Variants in CPLANE1 observed in about 807,000 individuals in gnomAD.
CPLANE1 encodes the protein ciliogenesis and planar polarity effector 1.
CPLANE1 carries 263 observed loss-of-function variants against 362.5 expected under a neutral mutation model. The ratio of observed to expected loss-of-function variants is 0.73; its 90% CI spans 0.66 to 0.80. CPLANE1 has a LOEUF of 0.80. Ranked by LOEUF, CPLANE1 falls within the 30% of genes least tolerant of loss-of-function variation. The pLI is 0.00. For synonymous variants in CPLANE1, 1,212 were observed against 1,302.6 expected, an observed-to-expected ratio of 0.93 and a Z score of 1.50; for missense variants, 3,461 against 3,793.4, an observed-to-expected ratio of 0.91 and a Z score of 2.30.
chr5:37,108,051 T>C (rs1005880192), intron 52 of CPLANE1, among the ~76,000 whole-genome samples: 1 of 152,202 alleles, frequency 6.6e-6, no homozygotes, highest in Admixed American at 6.5e-5. Flanking sequence ...CGATTTTATG[T>C]TCTTACATTT....
rs144945802 is a variant in CPLANE1 at position 37,138,131 on chromosome 5, T to C, written c.8792+589A>G. ...TTTGATGATATGTCCAACTTTGTCA[T>C]TGGGGTGTTGAAGTCCCCCACTATT... On this transcript the variant is annotated intron_variant, in intron 46 of 52. Transcript: ENST00000651892. Among the ~76,000 whole-genome samples the C allele has an allele frequency of 4.8e-3, 727 of 152,296 alleles. 10 individuals are homozygous for C. Among genetic ancestry groups the C allele is most frequent in the African/African-American group, 0.017 (690 of 41,564 alleles).
At chr5:37,124,228 G>A (rs1763518658) in intron 47 of CPLANE1, among the ~76,000 whole-genome samples, 1 of 151,734 alleles carries the variant, frequency 6.6e-6, no homozygotes, top group South Asian at 2.1e-4. Flanking sequence ...AAAAATGAAG[G>A]GATATTGTAT....
At chr5:37,213,772 C>A in intron 15 of CPLANE1, 40 bp from the exon 16 acceptor site, 1 of 1,348,330 alleles carries the variant, frequency 7.4e-7, no homozygotes, top group Non-Finnish European at 9.7e-7. Flanking sequence ...TTGTGATCAA[C>A]TACCAAAAGT....
chr5:37,109,726 G>T (rs946611229), intron 51 of CPLANE1, among the ~76,000 whole-genome samples: 7 of 152,080 alleles, frequency 4.6e-5, no homozygotes, highest in African/African-American at 1.7e-4. Context: ...GTGCAATTTC[G>T]GTTCGCTGCA....
chr5:37,146,420 A>T (rs1393942471), intron 43 of CPLANE1, among the ~76,000 whole-genome samples: 1 of 152,000 alleles, frequency 6.6e-6, no homozygotes, highest in African/African-American at 2.4e-5. Context: ...CTTGTGATCC[A>T]CCTGCCTCAG....
chr5:37,116,979 G>A (rs1317908892), intron 50 of CPLANE1, among the ~76,000 whole-genome samples: 2 of 152,168 alleles, frequency 1.3e-5, no homozygotes, highest in Admixed American at 6.5e-5. Flanking sequence ...GAGGCCACAA[G>A]AACAAGGGGA....
At chr5:37,145,258 T>TG (rs2150465179) in intron 43 of CPLANE1, among the ~76,000 whole-genome samples, 1 of 152,094 alleles carries the variant, frequency 6.6e-6, no homozygotes, top group East Asian at 1.9e-4. Flanking sequence ...TGAGCTGAGA[T>TG]CACACCACTG....
At chr5:37,102,893 T>C (rs1435373349), downstream of CPLANE1, among the ~76,000 whole-genome samples, 1 of 152,222 alleles carries the variant, frequency 6.6e-6, no homozygotes, top group Non-Finnish European at 1.5e-5. Flanking sequence ...GAGAGTTCTG[T>C]AGATATCTAT....
intron 21 of CPLANE1, among the ~76,000 whole-genome samples, chr5:37,191,918 T>A (rs1785654257): frequency 6.6e-6 from 1 of 152,198 alleles, no homozygotes; most frequent in African/African-American, 2.4e-5. Context: ...AAAATATTTT[T>A]AATAAATTTA....
chr5:37,175,049 G>T (rs1184494722), intron 31 of CPLANE1, among the ~76,000 whole-genome samples: 1 of 152,164 alleles, frequency 6.6e-6, no homozygotes, highest in East Asian at 1.9e-4. Context: ...ACCCTCTGGC[G>T]ACTGGGTTCC....
chr5:37,204,897 C>T (rs1380148005), intron 18 of CPLANE1, among the ~76,000 whole-genome samples: 1 of 152,208 alleles, frequency 6.6e-6, no homozygotes, highest in Admixed American at 6.5e-5. Context: ...TGGCTCATGC[C>T]TGTAATCCCA....
chr5:37,153,391 T>C (rs990643148), intron 42 of CPLANE1, among the ~76,000 whole-genome samples: 6 of 152,194 alleles, frequency 3.9e-5, no homozygotes, highest in African/African-American at 1.4e-4. Context: ...TACATGGGTT[T>C]ACTTCTTAAA....
In CPLANE1 at chr5:37,120,283, C is replaced by CAT; in HGVS notation, c.9241_9242dup (p.Met3081IlefsTer42). 6.3e-7 allele frequency: 1 copy of CAT among 1,599,994 alleles called. No homozygotes were observed. The highest frequency in any genetic ancestry group is 8.5e-7 in the Non-Finnish European group (1 of 1,175,036). On this transcript the variant is annotated frameshift_variant, in exon 50 of 53. Coordinates refer to ENST00000651892, the MANE Select transcript of CPLANE1 (RefSeq NM_001384732.1). LOFTEE classifies it high-confidence loss of function. ...TCTTATGGATATAACTCGGTTTGGA[C>CAT]ATATATTTGACTTTTCCAGGTCGAT...
the CPLANE1 span, among the ~76,000 whole-genome samples, chr5:37,080,604 T>A: frequency 6.6e-6 from 1 of 152,220 alleles, no homozygotes; most frequent in Non-Finnish European, 1.5e-5. Flanking sequence ...AGGGCTTATG[T>A]ACAGTGCAAC....
intron 42 of CPLANE1, 102 bp from the exon 43 acceptor site, chr5:37,148,370 G>T: frequency 1.3e-6 from 1 of 769,432 alleles, no homozygotes; most frequent in Non-Finnish European, 2.0e-6. Context: ...TAATGCAAAA[G>T]TGAAAAAAAT....
chr5:37,179,613 G>A (rs1782130436), intron 28 of CPLANE1, among the ~76,000 whole-genome samples, 170 bp from the exon 29 acceptor site: 1 of 152,152 alleles, frequency 6.6e-6, no homozygotes, highest in Admixed American at 6.5e-5. Flanking sequence ...ATCTTCATCA[G>A]GTAAATCCCA....
chr5:37,245,378 T>G (rs571739850), intron 4 of CPLANE1, 101 bp downstream of exon 4: 9 of 618,084 alleles, frequency 1.5e-5, no homozygotes, highest in East Asian at 6.6e-5. Flanking sequence ...CATATGCACA[T>G]ACACAGAAAT....
chr5:37,224,653 C>A lies in CPLANE1; in HGVS notation c.2379G>T (p.Gln793His). 1 of 1,551,416 alleles carries A rather than the reference C, an allele frequency of 6.4e-7. No individual in the cohort carries two copies. The highest frequency in any genetic ancestry group is 8.7e-7 in the Non-Finnish European group (1 of 1,146,734). Residue 793 changes from glutamine (Q) to histidine (H), a missense_variant, in exon 13 of 53, where the codon CAG becomes CAT. This residue lies in a region of CPLANE1 where 3,380 missense variants were observed against 3,666.1 expected (regional missense o/e 0.92). Coordinates refer to ENST00000651892, the MANE Select transcript of CPLANE1 (RefSeq NM_001384732.1). ...CTTCATGTGTCATCTTTTCAGTTAA[C>A]TGACTATCAGCTTCAGGAACTCTTC... is the stretch of plus-strand genomic sequence containing the variant. ...LNRRVPEADSQLTEKMTHEAS... is the reference protein window; with the variant it reads ...LNRRVPEADSHLTEKMTHEAS...
At chr5:37,238,529 C>T (rs1263204876) in intron 8 of CPLANE1, among the ~76,000 whole-genome samples, 1 of 120,848 alleles carries the variant, frequency 8.3e-6, no homozygotes, top group Non-Finnish European at 1.6e-5. Flanking sequence ...GGGTCTTGCT[C>T]TGTTGCTCAG....
Sources: gnomAD v4.1 joint callset for allele counts (sites outside exome capture counted in the v4.1 genomes callset) on GRCh38, gnomAD v4.1.1 for gene constraint, gnomAD v4.1.1 regional missense constraint, MANE v1.5 for transcripts, NCBI Gene and HGNC (gene_info 2026-07-23, HGNC 2026-07-21) for gene names.